The following LPCAT3 variants were observed in gnomAD, a reference collection of about 807,000 sequenced individuals.
The protein encoded by LPCAT3 is lysophosphatidylcholine acyltransferase 3.
LPCAT3 carries 21 observed loss-of-function variants against 63.4 expected under a neutral mutation model. The observed-to-expected ratio is 0.33, with a 90% CI of 0.23 to 0.48. The LOEUF is 0.48. Among genes scored for constraint, LPCAT3 ranks in the 20% least tolerant of loss-of-function variants. The pLI is 0.99. For synonymous variants in LPCAT3, 242 were observed against 227.5 expected (o/e 1.06, Z -0.58); for missense variants, 451 against 590.6 (o/e 0.76, Z 2.45).
At chr12:7,007,237 G>A (rs897259294) in intron 1 of LPCAT3, among the ~76,000 whole-genome samples, 1 of 151,330 alleles carries the variant, frequency 6.6e-6, no homozygotes, top group African/African-American at 2.4e-5. Context: ...TTTTAGTAGA[G>A]ACAGGGTTTC....
intron 1 of LPCAT3, among the ~76,000 whole-genome samples, chr12:6,985,642 G>A (rs1423306442): frequency 2.6e-5 from 4 of 151,974 alleles, no homozygotes; most frequent in African/African-American, 9.7e-5. Context: ...TTGAACCTGG[G>A]AGGCAGAGTT....
At chr12:7,015,471 G>T (rs1300212378) in intron 1 of LPCAT3, among the ~76,000 whole-genome samples, 1 of 152,102 alleles carries the variant, frequency 6.6e-6, no homozygotes, top group Non-Finnish European at 1.5e-5. Flanking sequence ...ACACAGAAAT[G>T]GTAATAACCT....
At chr12:6,992,125 G>T (rs1946595082) in intron 1 of LPCAT3, among the ~76,000 whole-genome samples, 1 of 151,954 alleles carries the variant, frequency 6.6e-6, no homozygotes, top group Non-Finnish European at 1.5e-5. Context: ...ACAATATTTA[G>T]CCTGGGCGAC....
chr12:7,001,525 G>C lies in LPCAT3; in HGVS notation c.151+16749C>G, dbSNP rs1555156504. 6.6e-6 allele frequency: 3 copies of C among 456,012 alleles called. No individual in the cohort carries two copies. In the Admixed American group the frequency reaches 7.1e-5, roughly 11 times the overall value. 28.2% of individuals were successfully genotyped at this position (456,012 alleles called of 1,614,324 possible). A position where few individuals can be genotyped will look rare whatever the true frequency, so the allele number is the denominator to read the frequency against. On this transcript the variant is annotated intron_variant, in intron 1 of 12. Coordinates refer to ENST00000261407, the MANE Select transcript of LPCAT3 (RefSeq NM_005768.6). ...GAGTCCCCAGATTAGTTCCGGTGAG[G>C]CTTTTGGGAGGGGTTATTTGGCGCG... is the stretch of plus-strand genomic sequence containing the variant.
chr12:6,986,327 T>A (rs1375112333), intron 1 of LPCAT3, among the ~76,000 whole-genome samples: 1 of 152,050 alleles, frequency 6.6e-6, no homozygotes, highest in African/African-American at 2.4e-5. Flanking sequence ...AGAGTAAACA[T>A]ATTTTTTCTT....
chr12:7,001,924 G>T (rs1179301129), intron 1 of LPCAT3, among the ~76,000 whole-genome samples: 1 of 152,096 alleles, frequency 6.6e-6, no homozygotes, highest in Non-Finnish European at 1.5e-5. Flanking sequence ...GGCAGGGAAA[G>T]GAAGGGAGTG....
At position 7,017,450 on chromosome 12, in the gene LPCAT3, T is replaced by A. The variant is rs781960284; in HGVS notation, c.151+824A>T. 6.6e-6 allele frequency among the ~76,000 whole-genome samples: 1 copy of A among 152,186 alleles called. No individual in the cohort carries two copies. Among genetic ancestry groups the A allele is most frequent in the Non-Finnish European group, 1.5e-5 (1 of 68,040 alleles). ...AGCAGCAACAAGGCTGGATCTGATT[T>A]GTTTGCCTTCAAAACCCATACTTTT... On this transcript the variant is annotated intron_variant, in intron 1 of 12. Transcript: ENST00000261407. This position sits in a 1 kb window ranked among gnomAD's most constrained non-coding sequence, Gnocchi z 4.1.
chr12:7,015,065 C>T (rs1555157503), intron 1 of LPCAT3, among the ~76,000 whole-genome samples: 2 of 152,122 alleles, frequency 1.3e-5, no homozygotes, highest in East Asian at 1.9e-4. Flanking sequence ...TGTTCTGGGT[C>T]ACAATGTAAA....
At chr12:6,996,182 C>T (rs1946634623) in intron 1 of LPCAT3, among the ~76,000 whole-genome samples, 1 of 152,210 alleles carries the variant, frequency 6.6e-6, no homozygotes. Flanking sequence ...CCAAAGCTTT[C>T]CCTTCCTGGA....
At chr12:7,012,320 A>C (rs1200251407) in intron 1 of LPCAT3, among the ~76,000 whole-genome samples, 1 of 152,140 alleles carries the variant, frequency 6.6e-6, no homozygotes, top group Non-Finnish European at 1.5e-5. Context: ...CCAGCCCCAC[A>C]TGCTCCTCCC....
In LPCAT3 at chr12:6,998,257, C is replaced by T. The variant is rs1186011600; in HGVS notation, c.152-14718G>A. ...TCTTGAACTGCTGGGCTCAAGCAAT[C>T]CTCCTGCCTCAGCCTCACAAAGTAT... is the stretch of plus-strand genomic sequence containing the variant. On this transcript the variant is annotated intron_variant, in intron 1 of 12. Coordinates refer to ENST00000261407, the MANE Select transcript of LPCAT3 (RefSeq NM_005768.6). 3.3e-5 allele frequency among the ~76,000 whole-genome samples: 5 copies of T among 152,198 alleles called. No homozygotes were observed. In the East Asian group the frequency reaches 9.7e-4, roughly 29 times the overall value.
At chr12:6,998,720 G>A (rs1278343361) in intron 1 of LPCAT3, among the ~76,000 whole-genome samples, 1 of 152,212 alleles carries the variant, frequency 6.6e-6, no homozygotes, top group African/African-American at 2.4e-5. Context: ...ACTAGATTAA[G>A]CCTTGTTGCT....
At position 7,018,453 on chromosome 12, in the gene LPCAT3, C is replaced by G. The variant is rs781991477; in HGVS notation, c.-29G>C. On this transcript the variant is annotated 5_prime_UTR_variant, in exon 1 of 13. Transcript: ENST00000261407. This position sits in a 1 kb window ranked among gnomAD's most constrained non-coding sequence, Gnocchi z 4.9. ...AACTCCGGGAGCCCCACAGGGACCC[C>G]CCAGCTCCGCGCGCCCCGAATGCGG... The G allele has an allele frequency of 2.5e-5, 38 of 1,549,134 alleles. No homozygotes were observed. In the Admixed American group the frequency reaches 7.1e-4, roughly 29 times the overall value.
intron 2 of LPCAT3, 44 bp downstream of exon 2, chr12:6,983,388 G>C (rs782199078): frequency 7.5e-7 from 1 of 1,330,840 alleles, no homozygotes; most frequent in Non-Finnish European, 1.1e-6. Context: ...GTTCCTTCCA[G>C]GTTCCCACTA....
chr12:6,978,784 A>G, intron 7 of LPCAT3, 95 bp from the exon 8 acceptor site: 2 of 1,539,486 alleles, frequency 1.3e-6, no homozygotes, highest in South Asian at 1.3e-5. Flanking sequence ...TGGCTACTTC[A>G]TACCTGCCTG....
chr12:7,000,683 T>C (rs1301865832), intron 1 of LPCAT3, among the ~76,000 whole-genome samples: 1 of 152,156 alleles, frequency 6.6e-6, no homozygotes, highest in East Asian at 1.9e-4. Context: ...CTAAATATTT[T>C]ATATAAGCAT....
Position 6,977,482 on chromosome 12 carries a change from G to A in LPCAT3, c.1232C>T (p.Ala411Val). Reference protein sequence around the residue: ...IQESPTLSKLAAITVLQPFYY... With the variant: ...IQESPTLSKLVAITVLQPFYY... ...GAAGGGCTGGAGGACAGTAATGGCG[G>A]CCAGCTTGCTCAGGGTGGGGCTCTC... Residue 411 changes from alanine (A) to valine (V), a missense_variant, in exon 11 of 13, where the codon GCC becomes GTC. Ala to Val is a moderately conservative substitution (Grantham distance 64). Around this residue, in one of 3 missense-constraint regions of LPCAT3, gnomAD observed 304 missense variants for 390.8 expected, o/e 0.78. Coordinates refer to ENST00000261407, the MANE Select transcript of LPCAT3 (RefSeq NM_005768.6). This position sits in a 1 kb window ranked among gnomAD's most constrained non-coding sequence, Gnocchi z 4.5. 1 of 1,614,210 alleles carries A rather than the reference G, an allele frequency of 6.2e-7. No individual in the cohort carries two copies. The highest frequency in any genetic ancestry group is 1.1e-5 in the South Asian group (1 of 91,084).
intron 1 of LPCAT3, among the ~76,000 whole-genome samples, chr12:6,984,450 C>G (rs1410231562): frequency 6.6e-6 from 1 of 152,246 alleles, no homozygotes; most frequent in Non-Finnish European, 1.5e-5. Flanking sequence ...CCATGCCTGG[C>G]AACATCCCCA....
chr12:6,997,102 AC>A (rs1174173564), intron 1 of LPCAT3: 16 of 152,328 alleles, frequency 1.1e-4, no homozygotes, highest in Admixed American at 5.2e-4. Context: ...AGGTCTTCAA[AC>A]CTTTTTGCTG....
Sources: allele counts gnomAD v4.1 joint callset (sites outside exome capture counted in the v4.1 genomes callset), GRCh38; gene constraint gnomAD v4.1.1; regional missense constraint gnomAD v4.1.1; non-coding constraint Gnocchi (gnomAD v3.1); transcripts MANE v1.5; gene names NCBI Gene and HGNC (gene_info 2026-07-23, HGNC 2026-07-21).